Variants in SAMMSON observed in about 807,000 individuals in gnomAD.
SAMMSON encodes the protein survival associated mitochondrial melanoma specific oncogenic non-coding RNA, also known as long intergenic non-protein coding RNA 1212.
chr3:70,409,299 C>T (rs1207584434), intron 2 of SAMMSON, among the ~76,000 whole-genome samples: 2 of 152,014 alleles, frequency 1.3e-5, no homozygotes, highest in South Asian at 2.1e-4. Flanking sequence ...AAATTGATAA[C>T]ATTCCATCAG....
At chr3:70,296,662 TAC>T (rs1352676471) in intron 7 of SAMMSON, among the ~76,000 whole-genome samples, 1 of 152,126 alleles carries the variant, frequency 6.6e-6, no homozygotes, top group Non-Finnish European at 1.5e-5. Flanking sequence ...CACAGCCAAT[TAC>T]CAGCAAGTCT....
chr3:70,433,228 A>C (rs1701430007), intron 2 of SAMMSON, among the ~76,000 whole-genome samples: 1 of 152,148 alleles, frequency 6.6e-6, no homozygotes, highest in African/African-American at 2.4e-5. Flanking sequence ...TTTGGTAAGA[A>C]GTTGCTAAGC....
At chr3:70,329,162 G>C (rs1702602049) in intron 7 of SAMMSON, among the ~76,000 whole-genome samples, 2 of 152,012 alleles carry the variant, frequency 1.3e-5, no homozygotes, top group South Asian at 4.1e-4. Flanking sequence ...GAAACATTTA[G>C]AATTAAGGTA....
At position 70,125,506 on chromosome 3, in the gene SAMMSON, C is replaced by G; in HGVS notation, n.507+53941C>G. 7.0e-6 allele frequency: 5 copies of G among 717,002 alleles called. No homozygotes were observed. In the South Asian group the frequency reaches 7.8e-5, roughly 11 times the overall value. The allele number at this position is 717,002 out of a possible 1,614,324, so 44.4% of individuals were successfully genotyped here. ...CTTTTTTAATCTCTTCTGTGATGTT[C>G]AAATTAGGTTTGGGAAAGATTTTTC... On this transcript the variant is annotated intron_variant and non_coding_transcript_variant, in intron 4 of 9. Coordinates refer to ENST00000642114, the Ensembl canonical transcript of SAMMSON.
chr3:70,144,991 G>A (rs145197078), intron 4 of SAMMSON, among the ~76,000 whole-genome samples: 1 of 152,014 alleles, frequency 6.6e-6, no homozygotes, highest in East Asian at 1.9e-4. Flanking sequence ...GCTCCCTGTT[G>A]CCCACCAACT....
At chr3:70,197,784 G>A (rs1013775787) in intron 4 of SAMMSON, among the ~76,000 whole-genome samples, 6 of 152,134 alleles carry the variant, frequency 3.9e-5, no homozygotes, top group Non-Finnish European at 7.4e-5. Flanking sequence ...TTTCCCTCCA[G>A]TTATGTAAAG....
chr3:70,224,540 T>A (rs1220169559), intron 4 of SAMMSON, among the ~76,000 whole-genome samples: 1 of 152,162 alleles, frequency 6.6e-6, no homozygotes, highest in Non-Finnish European at 1.5e-5. Flanking sequence ...AGAGGATACA[T>A]TTAACACAAC....
intron 7 of SAMMSON, among the ~76,000 whole-genome samples, chr3:70,335,205 T>A (rs1702651905): frequency 6.6e-6 from 1 of 152,094 alleles, no homozygotes; most frequent in Admixed American, 6.5e-5. Context: ...GTATATTTCA[T>A]CTCCAAACGC....
chr3:70,401,160 G>T (rs1258763106), intron 2 of SAMMSON, among the ~76,000 whole-genome samples: 4 of 151,716 alleles, frequency 2.6e-5, no homozygotes, highest in Admixed American at 2.6e-4. Context: ...TAGATATTTT[G>T]TTTTTTCTCA....
intron 7 of SAMMSON, among the ~76,000 whole-genome samples, chr3:70,313,719 C>T (rs763171605): frequency 2.0e-5 from 3 of 152,094 alleles, no homozygotes; most frequent in Non-Finnish European, 2.9e-5. Context: ...CACCTCGTTT[C>T]CTAACTTCAT....
intron 4 of SAMMSON, among the ~76,000 whole-genome samples, chr3:70,078,208 C>T (rs2067255868): frequency 6.6e-6 from 1 of 152,086 alleles, no homozygotes; most frequent in African/African-American, 2.4e-5. Context: ...GACAGTTACT[C>T]TTAGGATACC....
chr3:70,427,946 C>T (rs1191128751), intron 2 of SAMMSON, among the ~76,000 whole-genome samples: 1 of 151,866 alleles, frequency 6.6e-6, no homozygotes, highest in African/African-American at 2.4e-5. Context: ...TATATACTAA[C>T]AATGGACAGT....
At chr3:70,163,852 G>A (rs1379608947) in intron 4 of SAMMSON, among the ~76,000 whole-genome samples, 1 of 152,036 alleles carries the variant, frequency 6.6e-6, no homozygotes, top group African/African-American at 2.4e-5. Context: ...TCAAGCATTT[G>A]CACTAGCTAC....
At chr3:70,045,351 G>A (rs1420411650) in intron 3 of SAMMSON, among the ~76,000 whole-genome samples, 5 of 150,470 alleles carry the variant, frequency 3.3e-5, no homozygotes, top group African/African-American at 9.8e-5. Flanking sequence ...AGCAAATGGA[G>A]GATCTTTTCC....
Position 70,362,688 on chromosome 3 carries a change from A to G in SAMMSON, n.913+4364A>G, listed in dbSNP as rs150537637. ...TGTGTATGTATGTATACACATGTGTATCTTTTTTTTACATCCCTGAATTGC... is the reference window on the plus strand; with the variant it reads ...TGTGTATGTATGTATACACATGTGTGTCTTTTTTTTACATCCCTGAATTGC... On this transcript the variant is annotated intron_variant and non_coding_transcript_variant, in intron 9 of 9. Transcript: ENST00000642114. Among the ~76,000 whole-genome samples, 5 of 152,130 alleles carry G rather than the reference A, an allele frequency of 3.3e-5. No homozygotes were observed. In the East Asian group the frequency reaches 5.8e-4, roughly 18 times the overall value.
At chr3:70,425,697 G>A (rs921522266) in intron 2 of SAMMSON, among the ~76,000 whole-genome samples, 4 of 151,958 alleles carry the variant, frequency 2.6e-5, no homozygotes, top group East Asian at 3.9e-4. Context: ...ATGAGCCACC[G>A]TGCCCAAGTT....
At chr3:70,261,556 G>T (rs1701867007) in intron 6 of SAMMSON, among the ~76,000 whole-genome samples, 1 of 152,044 alleles carries the variant, frequency 6.6e-6, no homozygotes. Context: ...ATCATTGCTA[G>T]TTCCAAGGTA....
chr3:70,351,995 T>G (rs1006899728), intron 7 of SAMMSON, among the ~76,000 whole-genome samples: 2 of 151,938 alleles, frequency 1.3e-5, no homozygotes, highest in African/African-American at 4.8e-5. Flanking sequence ...CTGAGGATTT[T>G]GGGTATAATG....
chr3:70,015,016 C>CA, intron 3 of SAMMSON: 1 of 152,314 alleles, frequency 6.6e-6, no homozygotes, highest in South Asian at 2.1e-4. Context: ...TGCTGTGGCT[C>CA]ACGCCTGTAA....
Sources: allele counts gnomAD v4.1 joint callset (sites outside exome capture counted in the v4.1 genomes callset), GRCh38; gene constraint gnomAD v4.1.1; transcripts MANE v1.5; gene names NCBI Gene and HGNC (gene_info 2026-07-23, HGNC 2026-07-21).